DMD: variants seen among roughly 807,000 people sequenced by gnomAD.
The protein encoded by DMD is mutant dystrophin.
In DMD, 63 loss-of-function variants were observed where a neutral mutation model predicts 330.1. The observed-to-expected ratio is 0.19, with a 90% CI of 0.16 to 0.24. The LOEUF (loss-of-function observed/expected upper bound fraction) is 0.24, where lower values mean the gene tolerates loss of function less well. Ranked by LOEUF, DMD falls within the 10% of genes least tolerant of loss-of-function variation. The pLI is 1.00. For synonymous variants in DMD, 1,223 were observed against 959.8 expected, an observed-to-expected ratio of 1.27 and a Z score of -5.07; for missense variants, 3,344 against 2,684.1, an observed-to-expected ratio of 1.25 and a Z score of -5.43.
rs6631639 is a variant in DMD at position 32,740,300 on chromosome X, C to G, written c.650-41007G>C. ...GAGTCGCTGAGATATCAGAATTATT[C>G]TTATAGATGCATAATGTAGTGTATC... is the stretch of plus-strand genomic sequence containing the variant. On this transcript the variant is annotated intron_variant, in intron 7 of 78. Transcript: ENST00000357033. 8.2e-4 allele frequency among the ~76,000 whole-genome samples: 90 copies of G among 110,043 alleles called. 2 individuals carry two copies. The East Asian group carries it at 0.025, about 30-fold the overall frequency.
At chrX:31,212,819 C>T (rs1409637517) in intron 64 of DMD, among the ~76,000 whole-genome samples, 1 of 111,440 alleles carries the variant, frequency 9.0e-6, no homozygotes, top group Non-Finnish European at 1.9e-5. Context: ...GGTGTCCTTA[C>T]TGACTTTACA....
intron 9 of DMD, among the ~76,000 whole-genome samples, chrX:32,672,558 C>T (rs1345578300): frequency 1.8e-5 from 2 of 110,747 alleles, no homozygotes; most frequent in East Asian, 5.7e-4. Context: ...TGCATAAGTC[C>T]TGATTGCTTT....
At chrX:32,316,180 C>T in intron 41 of DMD, among the ~76,000 whole-genome samples, 1 of 111,474 alleles carries the variant, frequency 9.0e-6, no homozygotes, top group Middle Eastern at 4.7e-3. Flanking sequence ...GGCATGAACA[C>T]ATTTTCTAGA....
Position 33,014,669 on chromosome X carries a change from A to G in DMD, c.93+5470T>C, listed in dbSNP as rs5928149. On this transcript the variant is annotated intron_variant, in intron 2 of 78. Coordinates refer to ENST00000357033, the MANE Select transcript of DMD (RefSeq NM_004006.3). The stretch of plus-strand genomic sequence containing the variant: ...GGAACACAATGATTACAATTAAAAT[A>G]TCATGTTCTCAAGAAGACCAGGTAA... 0.1 allele frequency among the ~76,000 whole-genome samples: 11,085 copies of G among 111,037 alleles called. 759 individuals carry two copies. The highest frequency in any genetic ancestry group is 0.23 in the African/African-American group (6,941 of 30,478).
intron 41 of DMD, among the ~76,000 whole-genome samples, chrX:32,339,711 T>C (rs2097731983): frequency 8.9e-6 from 1 of 112,128 alleles, no homozygotes; most frequent in African/African-American, 3.2e-5. Flanking sequence ...AATTAATTTT[T>C]CATTTTAAAC....
intron 55 of DMD, among the ~76,000 whole-genome samples, chrX:31,605,590 A>G (rs138543402): frequency 0.011 from 1,184 of 112,146 alleles, 7 homozygotes; most frequent in Non-Finnish European, 0.014. Context: ...GCTAAGCTTT[A>G]GTAGCAGTGT....
chrX:31,190,222 A>G (rs1370929386), intron 67 of DMD, among the ~76,000 whole-genome samples: 1 of 112,026 alleles, frequency 8.9e-6, no homozygotes, highest in Non-Finnish European at 1.9e-5. Context: ...TTACAACCCA[A>G]GATGCATCTG....
chrX:33,301,939 C>T (rs1488030158), intron 1 of DMD, among the ~76,000 whole-genome samples: 1 of 111,466 alleles, frequency 9.0e-6, no homozygotes, highest in East Asian at 2.8e-4. Context: ...ATACATGACA[C>T]ATTTCATCAT....
At chrX:32,547,373 A>G (rs228379) in intron 16 of DMD, among the ~76,000 whole-genome samples, 51,700 of 109,783 alleles carry the variant, frequency 0.47, 10,353 homozygotes, top group Non-Finnish European at 0.63. Flanking sequence ...AGCGGCATTT[A>G]AAAATATACT....
intron 64 of DMD, among the ~76,000 whole-genome samples, chrX:31,213,566 C>CAATT (rs1333907493): frequency 3.6e-5 from 4 of 111,940 alleles, no homozygotes; most frequent in Non-Finnish European, 5.6e-5. Flanking sequence ...AGACAGAGGG[C>CAATT]AATTATAGCT....
chrX:32,069,926 CAAG>C (rs2096284522), intron 44 of DMD, among the ~76,000 whole-genome samples: 1 of 111,625 alleles, frequency 9.0e-6, no homozygotes, highest in Admixed American at 9.6e-5. Flanking sequence ...CCTAAATTGA[CAAG>C]GAGGACATTA....
chrX:31,135,074 G>T (rs2035037140), intron 76 of DMD, among the ~76,000 whole-genome samples: 1 of 111,869 alleles, frequency 8.9e-6, no homozygotes, highest in African/African-American at 3.2e-5. Flanking sequence ...AAGTTAAAAA[G>T]AATAAAAGAA....
intron 1 of DMD, among the ~76,000 whole-genome samples, chrX:33,048,049 C>T (rs2094406346): frequency 8.9e-6 from 1 of 112,111 alleles, no homozygotes; most frequent in South Asian, 3.7e-4. Context: ...ATTAGAAATG[C>T]TTATACAAAT....
At chrX:33,125,044 A>G (rs1031125464) in intron 1 of DMD, among the ~76,000 whole-genome samples, 33 of 107,563 alleles carry the variant, frequency 3.1e-4, no homozygotes, top group African/African-American at 9.9e-4. Context: ...AAAAAAAAAA[A>G]AAAAAGGCTT....
chrX:32,470,375 T>C (rs1454904521), intron 22 of DMD, among the ~76,000 whole-genome samples: 1 of 112,033 alleles, frequency 8.9e-6, no homozygotes, highest in African/African-American at 3.2e-5. Flanking sequence ...TTTTCCAAAA[T>C]TTGGGCTTCC....
rs758242332 is a variant in DMD at position 32,499,121 on chromosome X, T to G, written c.2380+2634A>C. Among the ~76,000 whole-genome samples, 9 of 112,039 alleles carry G rather than the reference T, an allele frequency of 8.0e-5. No individual in the cohort carries two copies. In the East Asian group the frequency reaches 2.5e-3, roughly 31 times the overall value. On this transcript the variant is annotated intron_variant, in intron 19 of 78. Coordinates refer to ENST00000357033, the MANE Select transcript of DMD (RefSeq NM_004006.3). ...ATTTAAGTTATGAGAAATTATTTTT[T>G]CCATCTTGGAATTTCATTCTAAAAG...
intron 11 of DMD, among the ~76,000 whole-genome samples, chrX:32,620,956 A>G (rs151006988): frequency 1.6e-3 from 181 of 111,459 alleles, no homozygotes; most frequent in Admixed American, 4.1e-3. Context: ...CGAAATATAC[A>G]ATTATTGAGT....
At chrX:31,603,655 C>T (rs2077478013) in intron 55 of DMD, among the ~76,000 whole-genome samples, 1 of 112,158 alleles carries the variant, frequency 8.9e-6, no homozygotes, top group Non-Finnish European at 1.9e-5. Context: ...AAGTTTAAAA[C>T]AAAATTGGAT....
intron 1 of DMD, among the ~76,000 whole-genome samples, chrX:33,191,582 T>A (rs1357968705): frequency 1.8e-5 from 2 of 110,824 alleles, no homozygotes; most frequent in Admixed American, 9.6e-5. Context: ...CACCACCACG[T>A]CCAGCTAATG....
Sources: gnomAD v4.1 joint callset for allele counts (sites outside exome capture counted in the v4.1 genomes callset) on GRCh38, gnomAD v4.1.1 for gene constraint, MANE v1.5 for transcripts, NCBI Gene and HGNC (gene_info 2026-07-23, HGNC 2026-07-21) for gene names.